Variants in ELAVL2 observed in about 807,000 individuals in gnomAD.
ELAVL2 encodes the protein ELAV-like protein 2.
Under a neutral mutation model 34.6 loss-of-function variants are expected in ELAVL2, and 4 were observed. The ratio of observed to expected loss-of-function variants is 0.12; its 90% CI spans 0.06 to 0.26. ELAVL2 has a LOEUF of 0.26. ELAVL2 is among the 10% of genes least tolerant of loss of function. The pLI is 1.00. For missense variants in ELAVL2, 432 were observed against 442.8 expected (o/e 0.98, Z 0.22); for synonymous variants, 193 against 154.8 (o/e 1.25, Z -1.83).
At chr9:23,707,843 C>A (rs1347803851) in intron 3 of ELAVL2, among the ~76,000 whole-genome samples, 1 of 152,054 alleles carries the variant, frequency 6.6e-6, no homozygotes, top group Non-Finnish European at 1.5e-5. Flanking sequence ...GGTAAATGCC[C>A]AGCCCCTTAA....
At chr9:23,729,273 C>T (rs1010222919) in intron 3 of ELAVL2, among the ~76,000 whole-genome samples, 8 of 152,134 alleles carry the variant, frequency 5.3e-5, no homozygotes, top group East Asian at 1.9e-4. Flanking sequence ...ACCACCTATT[C>T]CATTTTCTTC....
In ELAVL2 at chr9:23,809,038, GTGA is replaced by G. The variant is rs2062620223; in HGVS notation, c.-16+16765_-16+16767del. On this transcript the variant is annotated intron_variant, in intron 1 of 6. Coordinates refer to ENST00000397312, the MANE Select transcript of ELAVL2 (RefSeq NM_004432.5). ...TTAAGGTTACTATGTCCTATAAAAT[GTGA>G]TGATGAGTAAAATGCTATTGAGCTT... Among the ~76,000 whole-genome samples the G allele has an allele frequency of 2.0e-5, 3 of 152,164 alleles. No individual in the cohort carries two copies. In the South Asian group the frequency reaches 6.2e-4, roughly 31 times the overall value.
Position 23,818,936 on chromosome 9 carries a change from G to A in ELAVL2, c.-16+6870C>T, listed in dbSNP as rs187369199. The stretch of plus-strand genomic sequence containing the variant: ...GCAATGCCAATAATGCCTGAAAAGC[G>A]TCACAGGTTTTTTAAAAAAATGTCT... On this transcript the variant is annotated intron_variant, in intron 1 of 6. Transcript: ENST00000397312. Among the ~76,000 whole-genome samples the A allele has an allele frequency of 6.6e-5, 10 of 152,246 alleles. No individual in the cohort carries two copies. The East Asian group carries it at 1.7e-3, about 26-fold the overall frequency.
intron 2 of ELAVL2, among the ~76,000 whole-genome samples, chr9:23,743,794 T>C (rs1367175568): frequency 2.0e-5 from 3 of 152,332 alleles, no homozygotes; most frequent in East Asian, 3.9e-4. Context: ...TCTTAAAAAC[T>C]TTTAATGTGA....
chr9:23,775,103 C>T (rs950142515), intron 1 of ELAVL2, among the ~76,000 whole-genome samples: 21 of 152,266 alleles, frequency 1.4e-4, no homozygotes, highest in African/African-American at 5.1e-4. Context: ...TCTTTTGCTA[C>T]AGTAAAGAAG....
intron 3 of ELAVL2, among the ~76,000 whole-genome samples, chr9:23,723,273 G>C (rs1399675440): frequency 6.6e-6 from 1 of 152,082 alleles, no homozygotes; most frequent in Non-Finnish European, 1.5e-5. Context: ...CCTTTGTAGG[G>C]ACATGGATGA....
chr9:23,693,528 C>A (rs201078756), intron 5 of ELAVL2, 42 bp from the exon 6 acceptor site: 8 of 1,613,144 alleles, frequency 5.0e-6, no homozygotes, highest in Non-Finnish European at 5.1e-6. Flanking sequence ...TTTAATTTTT[C>A]CCCTTGATGT....
chr9:23,775,696 T>G (rs2058075800), intron 1 of ELAVL2, among the ~76,000 whole-genome samples: 1 of 152,080 alleles, frequency 6.6e-6, no homozygotes, highest in African/African-American at 2.4e-5. Flanking sequence ...TTGACCGAGC[T>G]CCTACCTCTT....
At chr9:23,701,232 G>T in intron 5 of ELAVL2, 147 bp downstream of exon 5, 1 of 827,166 alleles carries the variant, frequency 1.2e-6, no homozygotes, top group Non-Finnish European at 1.9e-6. Context: ...TTCTCTCTGT[G>T]CCCATGGAGA....
At chr9:23,777,434 T>C (rs1025234986) in intron 1 of ELAVL2, among the ~76,000 whole-genome samples, 10 of 152,108 alleles carry the variant, frequency 6.6e-5, no homozygotes, top group African/African-American at 2.4e-4. Context: ...AGAATCACTA[T>C]AAGGGAAATA....
chr9:23,776,730 GT>G (rs1241112419), intron 1 of ELAVL2, among the ~76,000 whole-genome samples: 1 of 108,358 alleles, frequency 9.2e-6, no homozygotes, highest in East Asian at 2.9e-4. Context: ...ATGCTAAATA[GT>G]TTGCTATCAA....
chr9:23,817,054 A>C (rs1188823849), intron 1 of ELAVL2, among the ~76,000 whole-genome samples: 1 of 152,100 alleles, frequency 6.6e-6, no homozygotes, highest in East Asian at 1.9e-4. Flanking sequence ...CTTAAAAAAA[A>C]AAACCTATCA....
chr9:23,788,856 A>G (rs991763822), intron 1 of ELAVL2, among the ~76,000 whole-genome samples: 6 of 152,230 alleles, frequency 3.9e-5, no homozygotes, highest in Admixed American at 2.0e-4. Flanking sequence ...ACTGGTCAGC[A>G]TGAGGGTACA....
At chr9:23,761,108 G>T (rs1180761821) in intron 2 of ELAVL2, among the ~76,000 whole-genome samples, 1 of 152,130 alleles carries the variant, frequency 6.6e-6, no homozygotes, top group East Asian at 1.9e-4. Flanking sequence ...CTGCCTTTAA[G>T]TATCTTTTAC....
At chr9:23,806,744 AT>A (rs1404215100) in intron 1 of ELAVL2, among the ~76,000 whole-genome samples, 1 of 152,200 alleles carries the variant, frequency 6.6e-6, no homozygotes, top group African/African-American at 2.4e-5. Context: ...TGCCCTGAAA[AT>A]TTAAACCAAT....
chr9:23,817,868 A>G (rs1166718320), intron 1 of ELAVL2, among the ~76,000 whole-genome samples: 2 of 152,222 alleles, frequency 1.3e-5, no homozygotes, highest in Non-Finnish European at 2.9e-5. Context: ...TTTAAATCAT[A>G]ATAAAACACT....
chr9:23,768,316 CCCACCCCATCT>C (rs1180134129), intron 1 of ELAVL2, among the ~76,000 whole-genome samples: 5 of 152,126 alleles, frequency 3.3e-5, no homozygotes, highest in Non-Finnish European at 5.9e-5. Flanking sequence ...TCCATCCAAA[CCCACCCCATCT>C]CCATTTCAGG....
At chr9:23,716,044 A>AT (rs969862774) in intron 3 of ELAVL2, among the ~76,000 whole-genome samples, 9 of 152,046 alleles carry the variant, frequency 5.9e-5, no homozygotes, top group African/African-American at 2.2e-4. Context: ...AAAATCTCAC[A>AT]TAACGGGATA....
At chr9:23,758,294 C>T (rs912408970) in intron 2 of ELAVL2, among the ~76,000 whole-genome samples, 1 of 152,014 alleles carries the variant, frequency 6.6e-6, no homozygotes, top group African/African-American at 2.4e-5. Flanking sequence ...ACGAAGTATG[C>T]CTACTTTTCA....
Sources: allele counts gnomAD v4.1 joint callset (sites outside exome capture counted in the v4.1 genomes callset), GRCh38; gene constraint gnomAD v4.1.1; transcripts MANE v1.5; gene names NCBI Gene and HGNC (gene_info 2026-07-23, HGNC 2026-07-21).